The following ANKH variants were observed in gnomAD, a reference collection of about 807,000 sequenced individuals.
ANKH encodes mineralization regulator ANKH.
In ANKH, 15 loss-of-function variants were observed where a neutral mutation model predicts 49.0. The ratio of observed to expected loss-of-function variants is 0.31; its 90% CI spans 0.20 to 0.47. The LOEUF (loss-of-function observed/expected upper bound fraction) is 0.47. ANKH is among the 20% of genes least tolerant of loss of function. The pLI is 1.00. For missense variants in ANKH, 429 were observed against 652.0 expected (o/e 0.66, Z 3.72); for synonymous variants, 273 against 260.0 (o/e 1.05, Z -0.48).
chr5:14,768,107 G>A (rs936906778), intron 2 of ANKH: 6 of 152,100 alleles, frequency 3.9e-5, no homozygotes, highest in Admixed American at 1.3e-4. Context: ...TTTCAGATTC[G>A]CAGTTATGTG....
chr5:14,763,010 G>C (rs1739140416), intron 2 of ANKH, among the ~76,000 whole-genome samples: 1 of 152,200 alleles, frequency 6.6e-6, no homozygotes, highest in African/African-American at 2.4e-5. Flanking sequence ...TCCTAAACAA[G>C]GGACACAGAA....
At chr5:14,767,423 T>C (rs1436589723) in intron 2 of ANKH, among the ~76,000 whole-genome samples, 3 of 152,226 alleles carry the variant, frequency 2.0e-5, no homozygotes, top group African/African-American at 4.8e-5. Context: ...AATGCTGTGA[T>C]TGCAAAAGTA....
At chr5:14,769,274 A>G in intron 1 of ANKH, 83 bp from the exon 2 acceptor site, 2 of 1,181,698 alleles carry the variant, frequency 1.7e-6, no homozygotes, top group South Asian at 2.6e-5. Context: ...GAAATTCAGC[A>G]GATCACGTTT....
intron 6 of ANKH, among the ~76,000 whole-genome samples, chr5:14,748,576 G>A (rs1419106512): frequency 6.6e-6 from 1 of 152,234 alleles, no homozygotes; most frequent in Non-Finnish European, 1.5e-5. Context: ...TCTTTGGAGT[G>A]GCTGCCAGTT....
chr5:14,807,190 T>C (rs1176714060), intron 1 of ANKH, among the ~76,000 whole-genome samples: 5 of 151,158 alleles, frequency 3.3e-5, no homozygotes, highest in South Asian at 2.1e-4. Flanking sequence ...TCTCAGCTCA[T>C]TGAAACCTCC....
intron 8 of ANKH, among the ~76,000 whole-genome samples, chr5:14,738,013 A>G (rs1441498523): frequency 6.6e-6 from 1 of 152,170 alleles, no homozygotes; most frequent in African/African-American, 2.4e-5. Context: ...GAACATTTCC[A>G]TTTTCCTACT....
chr5:14,749,608 A>ATT (rs1738649309), intron 5 of ANKH, among the ~76,000 whole-genome samples: 3 of 152,296 alleles, frequency 2.0e-5, no homozygotes, highest in African/African-American at 7.2e-5. Context: ...CCAAGGTAGA[A>ATT]CCCACATCTC....
chr5:14,798,427 T>C, intron 1 of ANKH: 1 of 1,543,252 alleles, frequency 6.5e-7, no homozygotes, highest in Non-Finnish European at 8.8e-7. Context: ...GGGGGAATCC[T>C]GGGGTCGAGC....
At chr5:14,752,219 A>G (rs1738744969) in intron 4 of ANKH, among the ~76,000 whole-genome samples, 1 of 152,116 alleles carries the variant, frequency 6.6e-6, no homozygotes, top group Non-Finnish European at 1.5e-5. Context: ...CTGACGTGGG[A>G]GGTTCACTTG....
intron 1 of ANKH, among the ~76,000 whole-genome samples, chr5:14,771,590 C>A (rs370413737): frequency 4.6e-5 from 7 of 151,932 alleles, no homozygotes; most frequent in Non-Finnish European, 1.0e-4. Flanking sequence ...GGGTCTGATA[C>A]GACAGTAAGG....
At chr5:14,773,737 C>A (rs916958369) in intron 1 of ANKH, among the ~76,000 whole-genome samples, 4 of 152,168 alleles carry the variant, frequency 2.6e-5, no homozygotes, top group Non-Finnish European at 4.4e-5. Flanking sequence ...GGCTGACAGG[C>A]GCTTGAAAGC....
chr5:14,851,048 AG>A (rs1353748272), intron 1 of ANKH, among the ~76,000 whole-genome samples: 1 of 152,144 alleles, frequency 6.6e-6, no homozygotes, highest in Non-Finnish European at 1.5e-5. Flanking sequence ...GAATTCCAGG[AG>A]GACTGCGGAA....
chr5:14,721,098 C>T (rs1239116067), intron 8 of ANKH, among the ~76,000 whole-genome samples: 1 of 152,222 alleles, frequency 6.6e-6, no homozygotes, highest in Non-Finnish European at 1.5e-5. Flanking sequence ...GACACATTGA[C>T]ATCAGTATCA....
chr5:14,844,771 C>G (rs781271522), intron 1 of ANKH, among the ~76,000 whole-genome samples: 7 of 152,162 alleles, frequency 4.6e-5, no homozygotes, highest in Non-Finnish European at 8.8e-5. Context: ...GAATTTTTCA[C>G]GTTTGTTTTG....
intron 8 of ANKH, among the ~76,000 whole-genome samples, chr5:14,730,748 C>A (rs898133526): frequency 6.6e-6 from 1 of 152,214 alleles, no homozygotes; most frequent in African/African-American, 2.4e-5. Flanking sequence ...AGGAGAAGGA[C>A]CCCAAACCTC....
intron 8 of ANKH, among the ~76,000 whole-genome samples, chr5:14,724,752 G>A (rs1302594406): frequency 6.6e-6 from 1 of 152,178 alleles, no homozygotes; most frequent in Non-Finnish European, 1.5e-5. Context: ...ATCAGCACGT[G>A]AACTCAGAAA....
At chr5:14,789,327 A>G (rs1414423888) in intron 1 of ANKH, among the ~76,000 whole-genome samples, 2 of 152,226 alleles carry the variant, frequency 1.3e-5, no homozygotes, top group Non-Finnish European at 2.9e-5. Context: ...ATCGTTTTAC[A>G]AAGTCTGACT....
At chr5:14,721,277 A>G (rs1194645355) in intron 8 of ANKH, among the ~76,000 whole-genome samples, 1 of 152,140 alleles carries the variant, frequency 6.6e-6, no homozygotes, top group Non-Finnish European at 1.5e-5. Context: ...TCTGTTTTTT[A>G]TCTTGGTCTG....
At chr5:14,740,155 C>G (rs900116858) in intron 8 of ANKH, among the ~76,000 whole-genome samples, 1 of 152,072 alleles carries the variant, frequency 6.6e-6, no homozygotes, top group African/African-American at 2.4e-5. Flanking sequence ...GTTTCTGGAC[C>G]GCAGAGCCAG....
Sources: allele counts gnomAD v4.1 joint callset (sites outside exome capture counted in the v4.1 genomes callset), GRCh38; gene constraint gnomAD v4.1.1; transcripts MANE v1.5; gene names NCBI Gene and HGNC (gene_info 2026-07-23, HGNC 2026-07-21).